Variants in GIPC2 observed in about 807,000 individuals in gnomAD.
GIPC2 encodes the protein PDZ domain-containing protein GIPC2.
A neutral mutation model predicts 30.6 loss-of-function variants in GIPC2; 30 were observed. That is an observed-to-expected ratio of 0.98 (90% confidence interval 0.73 to 1.33). The LOEUF (loss-of-function observed/expected upper bound fraction) is 1.33, where lower values mean the gene tolerates loss of function less well. Among genes scored for constraint, GIPC2 ranks in the 40% most tolerant of loss-of-function variants. GIPC2 has a pLI of 0.00. For missense variants in GIPC2, 414 were observed against 390.3 expected (o/e 1.06, Z -0.51); for synonymous variants, 167 against 150.0 (o/e 1.11, Z -0.83).
chr1:78,048,531 ATCC>A (rs1449805526), intron 1 of GIPC2, among the ~76,000 whole-genome samples: 1 of 152,032 alleles, frequency 6.6e-6, no homozygotes, highest in African/African-American at 2.4e-5. Flanking sequence ...GGCTCAAGCA[ATCC>A]TCCTGCTTCA....
At chr1:78,048,284 GAAGT>G (rs1400440563) in intron 1 of GIPC2, among the ~76,000 whole-genome samples, 3 of 152,108 alleles carry the variant, frequency 2.0e-5, no homozygotes, top group Non-Finnish European at 4.4e-5. Context: ...TAATCCCTAA[GAAGT>G]AAGTATTATT....
intron 1 of GIPC2, among the ~76,000 whole-genome samples, chr1:78,069,806 G>A (rs1661584901): frequency 6.6e-6 from 1 of 152,130 alleles, no homozygotes; most frequent in Non-Finnish European, 1.5e-5. Context: ...ACTTTTAGGT[G>A]TTTTAGTTTA....
intron 2 of GIPC2, among the ~76,000 whole-genome samples, chr1:78,094,041 G>C (rs664448): frequency 0.22 from 34,047 of 151,840 alleles, 4,141 homozygotes; most frequent in East Asian, 0.49. Flanking sequence ...TTCTCCTTGG[G>C]GTCCTACATT....
chr1:78,129,613 A>G (rs17098321), intron 5 of GIPC2, among the ~76,000 whole-genome samples: 2,646 of 152,280 alleles, frequency 0.017, 77 homozygotes, highest in African/African-American at 0.061. Flanking sequence ...GCTTCATTTG[A>G]TTGTAAAGTT....
intron 4 of GIPC2, among the ~76,000 whole-genome samples, chr1:78,125,135 A>G (rs1662759407): frequency 6.6e-6 from 1 of 152,082 alleles, no homozygotes; most frequent in South Asian, 2.1e-4. Flanking sequence ...GGCTCAAGTG[A>G]TCTTCCCACT....
At chr1:78,077,907 G>A (rs1410222069) in intron 1 of GIPC2, among the ~76,000 whole-genome samples, 1 of 152,068 alleles carries the variant, frequency 6.6e-6, no homozygotes, top group African/African-American at 2.4e-5. Context: ...AGTGTATCAC[G>A]GCCGGGCGCG....
intron 3 of GIPC2, among the ~76,000 whole-genome samples, chr1:78,105,357 G>A (rs908147845): frequency 2.0e-5 from 3 of 150,440 alleles, no homozygotes; most frequent in Non-Finnish European, 4.4e-5. Context: ...TGCGATCTCA[G>A]CTCACTGCAA....
At chr1:78,071,643 G>T (rs1370908485) in intron 1 of GIPC2, among the ~76,000 whole-genome samples, 1 of 148,370 alleles carries the variant, frequency 6.7e-6, no homozygotes, top group African/African-American at 2.5e-5. Context: ...CCACTGAGTT[G>T]CCCAGGCTGT....
intron 3 of GIPC2, among the ~76,000 whole-genome samples, chr1:78,101,458 C>G (rs778016999): frequency 2.7e-4 from 41 of 152,112 alleles, no homozygotes; most frequent in Admixed American, 2.7e-3. Context: ...AATATTGTTT[C>G]AGTTACAAAT....
intron 1 of GIPC2, among the ~76,000 whole-genome samples, chr1:78,049,593 T>C (rs1228846733): frequency 6.6e-6 from 1 of 152,210 alleles, no homozygotes; most frequent in Non-Finnish European, 1.5e-5. Context: ...CATGAAGAGC[T>C]AGCCACTCTT....
At chr1:78,113,311 T>C (rs1662505761) in intron 3 of GIPC2, among the ~76,000 whole-genome samples, 2 of 152,204 alleles carry the variant, frequency 1.3e-5, no homozygotes, top group Admixed American at 1.3e-4. Context: ...CAGGCTTAGA[T>C]GATCTTCACA....
chr1:78,069,670 C>T (rs879543639), intron 1 of GIPC2, among the ~76,000 whole-genome samples: 2 of 151,948 alleles, frequency 1.3e-5, no homozygotes, highest in African/African-American at 4.8e-5. Flanking sequence ...CACGGGCTTT[C>T]ACCACGTTGG....
chr1:78,074,478 C>T (rs539248601), intron 1 of GIPC2, among the ~76,000 whole-genome samples: 1 of 152,326 alleles, frequency 6.6e-6, no homozygotes, highest in South Asian at 2.1e-4. Flanking sequence ...CCACTTCAGC[C>T]TCCTGAGAGC....
At chr1:78,067,508 G>A (rs1661541025) in intron 1 of GIPC2, among the ~76,000 whole-genome samples, 1 of 151,868 alleles carries the variant, frequency 6.6e-6, no homozygotes, top group Admixed American at 6.6e-5. Flanking sequence ...CTGAAGTGTA[G>A]TGTCGTGGTC....
At chr1:78,119,233 A>T (rs1662632192) in intron 3 of GIPC2, among the ~76,000 whole-genome samples, 160 bp from the exon 4 acceptor site, 1 of 152,182 alleles carries the variant, frequency 6.6e-6, no homozygotes, top group Admixed American at 6.5e-5. Context: ...TGACAAGTAC[A>T]TTTATTTTGC....
intron 1 of GIPC2, among the ~76,000 whole-genome samples, chr1:78,065,301 A>G (rs1194491126): frequency 6.6e-6 from 1 of 152,104 alleles, no homozygotes; most frequent in Non-Finnish European, 1.5e-5. Context: ...CAGGAATGCA[A>G]TTTCATTCAC....
intron 4 of GIPC2, among the ~76,000 whole-genome samples, chr1:78,121,583 G>T (rs1048249280): frequency 6.6e-6 from 1 of 152,090 alleles, no homozygotes; most frequent in Admixed American, 6.6e-5. Flanking sequence ...GTTTTGGGGG[G>T]ATCTAGAGGA....
chr1:78,125,100 G>A (rs1662758644), intron 4 of GIPC2, among the ~76,000 whole-genome samples: 1 of 152,172 alleles, frequency 6.6e-6, no homozygotes, highest in South Asian at 2.1e-4. Flanking sequence ...GCAGAATTAT[G>A]GCTCACTACA....
intron 4 of GIPC2, among the ~76,000 whole-genome samples, chr1:78,122,292 T>C (rs896009252): frequency 6.6e-6 from 1 of 152,236 alleles, no homozygotes; most frequent in Non-Finnish European, 1.5e-5. Flanking sequence ...ACTTTAAGAA[T>C]TTAAAGGACT....
Sources: allele counts gnomAD v4.1 joint callset (sites outside exome capture counted in the v4.1 genomes callset), GRCh38; gene constraint gnomAD v4.1.1; transcripts MANE v1.5; gene names NCBI Gene and HGNC (gene_info 2026-07-23, HGNC 2026-07-21).